The following KHDRBS2 variants were observed in gnomAD, a reference collection of about 807,000 sequenced individuals.
KHDRBS2 encodes KH domain-containing, RNA-binding, signal transduction-associated protein 2.
In KHDRBS2, 26 loss-of-function variants were observed where a neutral mutation model predicts 44.3. The observed-to-expected ratio is 0.59, with a 90% CI of 0.43 to 0.81. KHDRBS2 has a LOEUF of 0.81. KHDRBS2 is among the 40% of genes least tolerant of loss of function. The pLI, the probability that KHDRBS2 is intolerant of heterozygous loss-of-function variation, is 0.00. For synonymous variants in KHDRBS2, 194 were observed against 151.1 expected (o/e 1.28, Z -2.08); for missense variants, 476 against 433.1 (o/e 1.10, Z -0.88).
chr6:61,775,288 C>G (rs1362628608), intron 6 of KHDRBS2, among the ~76,000 whole-genome samples: 3 of 151,882 alleles, frequency 2.0e-5, no homozygotes, highest in Non-Finnish European at 4.4e-5. Flanking sequence ...GAATTTCTGG[C>G]CAGGGCAATC....
chr6:61,732,501 A>G (rs1562052960), intron 7 of KHDRBS2, among the ~76,000 whole-genome samples, 181 bp downstream of exon 7: 1 of 152,170 alleles, frequency 6.6e-6, no homozygotes, highest in Non-Finnish European at 1.5e-5. Context: ...CTTTGCTTGC[A>G]GTTGCAAGGT....
intron 8 of KHDRBS2, among the ~76,000 whole-genome samples, chr6:61,695,978 A>AT: frequency 6.6e-6 from 1 of 152,046 alleles, no homozygotes; most frequent in African/African-American, 2.4e-5. Flanking sequence ...TAATTTATTT[A>AT]TTTTTGTTAG....
chr6:62,135,168 G>A (rs1584897571), intron 2 of KHDRBS2, among the ~76,000 whole-genome samples: 1 of 152,106 alleles, frequency 6.6e-6, no homozygotes, highest in Non-Finnish European at 1.5e-5. Context: ...GGACCCAGTG[G>A]GAGATAATTG....
chr6:62,139,380 G>A (rs1381040572), intron 2 of KHDRBS2, among the ~76,000 whole-genome samples: 1 of 151,788 alleles, frequency 6.6e-6, no homozygotes, highest in African/African-American at 2.4e-5. Context: ...GTGCAACCCC[G>A]TCTCTACTAA....
rs1192199565 is a variant in KHDRBS2 at position 61,721,680 on chromosome 6, C to T, written c.893+11002G>A. ...CTTATCAGCTTAAGGAGATTTTGGG[C>T]TGAGACGATGGGGTTTTCTAGCTAT... On this transcript the variant is annotated intron_variant, in intron 7 of 8. Coordinates refer to ENST00000281156, the MANE Select transcript of KHDRBS2 (RefSeq NM_152688.4). Among the ~76,000 whole-genome samples, 2 of 119,572 alleles carry T rather than the reference C, an allele frequency of 1.7e-5. 1 individual carries two copies. The highest frequency in any genetic ancestry group is 3.8e-5 in the Non-Finnish European group (2 of 52,254). 78.4% of individuals were successfully genotyped at this position (119,572 alleles called of 152,430 possible).
intron 4 of KHDRBS2, among the ~76,000 whole-genome samples, chr6:61,959,268 C>T (rs763993544): frequency 6.6e-6 from 1 of 152,156 alleles, no homozygotes; most frequent in Non-Finnish European, 1.5e-5. Flanking sequence ...CACTTGCCCC[C>T]TGTATTTACA....
the KHDRBS2 span, among the ~76,000 whole-genome samples, chr6:61,600,639 T>C: frequency 1.8e-3 from 278 of 152,234 alleles, 3 homozygotes; most frequent in Non-Finnish European, 7.6e-4. Flanking sequence ...GAGTGAAATT[T>C]GGTGCCGAAG....
At chr6:61,851,516 C>T (rs1432188418) in intron 6 of KHDRBS2, among the ~76,000 whole-genome samples, 5 of 152,100 alleles carry the variant, frequency 3.3e-5, no homozygotes, top group Admixed American at 6.5e-5. Context: ...TACTCCATTA[C>T]GACTGGTATC....
intron 4 of KHDRBS2, among the ~76,000 whole-genome samples, chr6:61,946,745 T>G (rs1303683326): frequency 6.6e-6 from 1 of 152,250 alleles, no homozygotes; most frequent in Admixed American, 6.5e-5. Context: ...GAAGTGCCAA[T>G]GGAAGTTAGT....
intron 2 of KHDRBS2, among the ~76,000 whole-genome samples, chr6:62,067,558 A>T (rs1794028582): frequency 6.6e-6 from 1 of 151,570 alleles, no homozygotes; most frequent in Non-Finnish European, 1.5e-5. Flanking sequence ...TATTGGTTTG[A>T]ATATTTTAAA....
chr6:61,835,327 G>A (rs185609684), intron 6 of KHDRBS2, among the ~76,000 whole-genome samples: 86 of 152,180 alleles, frequency 5.7e-4, no homozygotes, highest in Admixed American at 2.0e-3. Context: ...TAACTGCAAT[G>A]GCAATGAGGC....
At chr6:61,964,368 C>T (rs2127395034) in intron 4 of KHDRBS2, among the ~76,000 whole-genome samples, 1 of 152,104 alleles carries the variant, frequency 6.6e-6, no homozygotes, top group South Asian at 2.1e-4. Flanking sequence ...CATCAGGCAG[C>T]ATGGGGCTTA....
chr6:62,121,255 A>C (rs1487653912), intron 2 of KHDRBS2, among the ~76,000 whole-genome samples: 2 of 152,184 alleles, frequency 1.3e-5, no homozygotes, highest in African/African-American at 4.8e-5. Context: ...TTAGACCTAC[A>C]TCTACTTAGA....
At chr6:61,815,761 C>T (rs535863391) in intron 6 of KHDRBS2, among the ~76,000 whole-genome samples, 7 of 152,280 alleles carry the variant, frequency 4.6e-5, no homozygotes, top group African/African-American at 1.7e-4. Flanking sequence ...CTGGACACTG[C>T]TTTCACTTTG....
chr6:62,207,063 A>G (rs1563063682), intron 1 of KHDRBS2, among the ~76,000 whole-genome samples: 1 of 152,062 alleles, frequency 6.6e-6, no homozygotes, highest in Non-Finnish European at 1.5e-5. Flanking sequence ...ATCCTGTAAG[A>G]CTTTAATTTT....
chr6:61,975,141 A>G (rs1772299286), intron 4 of KHDRBS2, among the ~76,000 whole-genome samples: 1 of 152,084 alleles, frequency 6.6e-6, no homozygotes, highest in South Asian at 2.1e-4. Flanking sequence ...CTATGTTCTA[A>G]AGTTGGTTAT....
chr6:62,012,833 C>T (rs900869555), intron 3 of KHDRBS2, among the ~76,000 whole-genome samples: 1 of 152,200 alleles, frequency 6.6e-6, no homozygotes, highest in African/African-American at 2.4e-5. Flanking sequence ...GCACTACTCA[C>T]AACCTGAGGC....
chr6:61,915,715 C>T (rs1308086685), intron 4 of KHDRBS2, among the ~76,000 whole-genome samples: 2 of 151,992 alleles, frequency 1.3e-5, no homozygotes, highest in Non-Finnish European at 1.5e-5. Flanking sequence ...TATCAACAAA[C>T]CCTCTCGAGG....
chr6:62,122,626 G>A (rs1461500321), intron 2 of KHDRBS2, among the ~76,000 whole-genome samples: 1 of 152,152 alleles, frequency 6.6e-6, no homozygotes, highest in Non-Finnish European at 1.5e-5. Flanking sequence ...GGAGTTCCCT[G>A]TGATCAGCTG....
Sources: gnomAD v4.1 joint callset for allele counts (sites outside exome capture counted in the v4.1 genomes callset) on GRCh38, gnomAD v4.1.1 for gene constraint, MANE v1.5 for transcripts, NCBI Gene and HGNC (gene_info 2026-07-23, HGNC 2026-07-21) for gene names.